The following SPECC1 variants were observed in gnomAD, a reference collection of about 807,000 sequenced individuals.
The protein encoded by SPECC1 is cytospin-B.
SPECC1 carries 62 observed loss-of-function variants against 104.1 expected under a neutral mutation model. The ratio of observed to expected loss-of-function variants is 0.60; its 90% CI spans 0.49 to 0.74. SPECC1 has a LOEUF of 0.74. SPECC1 is among the 30% of genes least tolerant of loss of function. SPECC1 has a pLI of 0.00. For missense variants in SPECC1, 1,306 were observed against 1,310.5 expected, an observed-to-expected ratio of 1.00 and a Z score of 0.05; for synonymous variants, 513 against 501.6, an observed-to-expected ratio of 1.02 and a Z score of -0.30.
At chr17:20,288,981 C>T (rs1316861787) in intron 12 of SPECC1, among the ~76,000 whole-genome samples, 6 of 151,916 alleles carry the variant, frequency 3.9e-5, no homozygotes, top group African/African-American at 1.5e-4. Flanking sequence ...GATGGGATTT[C>T]ACCATCTTGG....
intron 7 of SPECC1, among the ~76,000 whole-genome samples, chr17:20,236,265 C>A (rs777529032): frequency 1.3e-5 from 2 of 152,146 alleles, no homozygotes; most frequent in Non-Finnish European, 2.9e-5. Context: ...GCCCTTGATG[C>A]AGAACCTGGT....
intron 1 of SPECC1, among the ~76,000 whole-genome samples, chr17:20,075,725 C>G (rs1342096290): frequency 6.6e-6 from 1 of 152,068 alleles, no homozygotes; most frequent in African/African-American, 2.4e-5. Flanking sequence ...ACAGGTAGAT[C>G]GCTTGAGCTC....
chr17:20,092,714 A>G (rs2047457353), intron 1 of SPECC1, among the ~76,000 whole-genome samples: 1 of 152,210 alleles, frequency 6.6e-6, no homozygotes, highest in African/African-American at 2.4e-5. Context: ...AGTTGTCAAC[A>G]GCCTTCTGTG....
At chr17:20,249,397 A>T (rs570901163) in intron 9 of SPECC1, among the ~76,000 whole-genome samples, 34 of 152,286 alleles carry the variant, frequency 2.2e-4, no homozygotes, top group Admixed American at 1.2e-3. Flanking sequence ...CAGCCTGGGC[A>T]ACAGAGCAAG....
intron 1 of SPECC1, among the ~76,000 whole-genome samples, chr17:20,014,627 C>T (rs140395417): frequency 6.6e-6 from 1 of 152,288 alleles, no homozygotes; most frequent in Admixed American, 6.5e-5. Context: ...ATTGCTTTAT[C>T]TGCTGGTATC....
chr17:20,098,209 A>G (rs1420037972), intron 2 of SPECC1, among the ~76,000 whole-genome samples: 1 of 151,624 alleles, frequency 6.6e-6, no homozygotes, highest in Non-Finnish European at 1.5e-5. Context: ...TGCTCCCCCA[A>G]ATCTTCCCAT....
chr17:20,110,297 G>C (rs913185701), intron 2 of SPECC1, 130 bp from the exon 3 acceptor site: 14 of 1,112,658 alleles, frequency 1.3e-5, no homozygotes, highest in Non-Finnish European at 1.7e-5. Context: ...ACTCTATCAT[G>C]CTACTCAAAG....
At chr17:20,043,098 A>G (rs1271710795) in intron 1 of SPECC1, among the ~76,000 whole-genome samples, 3 of 152,158 alleles carry the variant, frequency 2.0e-5, no homozygotes, top group African/African-American at 4.8e-5. Flanking sequence ...AGGCCAAGCA[A>G]GTTGTCTGGT....
intron 12 of SPECC1, chr17:20,290,229 C>T (rs2041117590): frequency 6.6e-6 from 1 of 151,886 alleles, no homozygotes; most frequent in Non-Finnish European, 1.5e-5. Context: ...CAACCTGTGA[C>T]CCATTTATAG....
chr17:20,016,716 C>T (rs2044144648), intron 1 of SPECC1, among the ~76,000 whole-genome samples: 1 of 152,246 alleles, frequency 6.6e-6, no homozygotes, highest in Non-Finnish European at 1.5e-5. Context: ...CCCCCACCTC[C>T]TGGGCTCCTG....
intron 4 of SPECC1, among the ~76,000 whole-genome samples, chr17:20,216,359 C>A (rs1249079948): frequency 6.6e-6 from 1 of 152,162 alleles, no homozygotes; most frequent in African/African-American, 2.4e-5. Flanking sequence ...AATGTCTAAT[C>A]TAATTCTTTG....
In SPECC1 at chr17:20,028,120, A is replaced by AT. The variant is rs908401290; in HGVS notation, c.-22+18706dup. Reference sequence around the variant, plus strand: ...ATGGTGTGATGGAGGGTCCAACTTCATTTTTTTTTTCATGTGACTATCTGA... The same window carrying AT: ...ATGGTGTGATGGAGGGTCCAACTTCATTTTTTTTTTTCATGTGACTATCTGA... On this transcript the variant is annotated intron_variant, in intron 1 of 14. Transcript: ENST00000395527. 2.2e-4 allele frequency among the ~76,000 whole-genome samples: 33 copies of AT among 147,756 alleles called. No individual in the cohort carries two copies. The East Asian group carries it at 2.4e-3, about 11-fold the overall frequency.
intron 3 of SPECC1, among the ~76,000 whole-genome samples, chr17:20,180,258 AAGTGGAAAC>A (rs1457181450): frequency 1.3e-5 from 2 of 152,236 alleles, no homozygotes; most frequent in Non-Finnish European, 2.9e-5. Flanking sequence ...AAACAAAATC[AAGTGGAAAC>A]AGTAAAGCCA....
intron 3 of SPECC1, among the ~76,000 whole-genome samples, chr17:20,195,722 T>C (rs1202104193): frequency 6.6e-6 from 1 of 152,150 alleles, no homozygotes; most frequent in African/African-American, 2.4e-5. Context: ...CACACCCGGC[T>C]AATTTTTAGT....
At chr17:20,287,916 C>T (rs2041013353) in intron 12 of SPECC1, among the ~76,000 whole-genome samples, 1 of 152,074 alleles carries the variant, frequency 6.6e-6, no homozygotes. Flanking sequence ...GTATTAAGCT[C>T]AACATACATT....
chr17:20,126,212 C>T (rs573803750), intron 3 of SPECC1, among the ~76,000 whole-genome samples: 2 of 152,096 alleles, frequency 1.3e-5, no homozygotes, highest in African/African-American at 4.8e-5. Flanking sequence ...CCCTGCTCTC[C>T]TCTCCTCCTT....
intron 1 of SPECC1, among the ~76,000 whole-genome samples, chr17:20,070,125 A>G (rs540332570): frequency 9.2e-5 from 14 of 152,164 alleles, no homozygotes; most frequent in Non-Finnish European, 1.8e-4. Flanking sequence ...CTAATTGTCC[A>G]GACTAAAACC....
At chr17:20,183,075 G>C (rs1199137506) in intron 3 of SPECC1, among the ~76,000 whole-genome samples, 1 of 152,190 alleles carries the variant, frequency 6.6e-6, no homozygotes, top group Non-Finnish European at 1.5e-5. Context: ...CAAAAGAGGT[G>C]GCGGTAGAGG....
At chr17:20,054,045 G>T (rs942977276) in intron 1 of SPECC1, among the ~76,000 whole-genome samples, 1 of 152,182 alleles carries the variant, frequency 6.6e-6, no homozygotes, top group African/African-American at 2.4e-5. Flanking sequence ...TGTTGATTCA[G>T]CCTGTTCTGA....
Sources: gnomAD v4.1 joint callset for allele counts (sites outside exome capture counted in the v4.1 genomes callset) on GRCh38, gnomAD v4.1.1 for gene constraint, MANE v1.5 for transcripts, NCBI Gene and HGNC (gene_info 2026-07-23, HGNC 2026-07-21) for gene names.